The following QDPR variants were observed in gnomAD, a reference collection of about 807,000 sequenced individuals.
The protein encoded by QDPR is quinoid dihydropteridine reductase, also known as dihydropteridine reductase.
QDPR carries 23 observed loss-of-function variants against 31.7 expected under a neutral mutation model. The ratio of observed to expected loss-of-function variants is 0.73; its 90% CI spans 0.52 to 1.03. The LOEUF (loss-of-function observed/expected upper bound fraction) is 1.03. Among genes scored for constraint, QDPR ranks in the 50% least tolerant of loss-of-function variants. QDPR has a pLI of 0.00. For synonymous variants in QDPR, 124 were observed against 124.7 expected, an observed-to-expected ratio of 0.99 and a Z score of 0.03; for missense variants, 324 against 323.8, an observed-to-expected ratio of 1.00 and a Z score of 0.00.
At chr4:17,503,604 T>C (rs1474360653) in intron 3 of QDPR, among the ~76,000 whole-genome samples, 2 of 152,232 alleles carry the variant, frequency 1.3e-5, no homozygotes, top group African/African-American at 2.4e-5. Flanking sequence ...AGGGTGTTCA[T>C]TGAACTGTTC....
In QDPR at chr4:17,492,261, C is replaced by A; in HGVS notation, c.516G>T (p.Pro172=). The change falls in exon 5 of 7, where the codon CCG becomes CCT. Residue 172 remains proline (P), a synonymous_variant. Transcript: ENST00000281243. ...QSLAGKNSGM[P]PGAAAIAVLP... ...GCACAGCGATGGCGGCTGCCCCGGG[C>A]GGCATGCCGCTGTTCTTCCCAGCCA... is the stretch of plus-strand genomic sequence containing the variant. The A allele has an allele frequency of 6.2e-7, 1 of 1,613,934 alleles. No individual in the cohort carries two copies. The highest frequency in any genetic ancestry group is 8.5e-7 in the Non-Finnish European group (1 of 1,179,964).
chr4:17,504,307 G>C, intron 3 of QDPR, 72 bp downstream of exon 3: 1 of 1,385,058 alleles, frequency 7.2e-7, no homozygotes, highest in Non-Finnish European at 1.0e-6. Context: ...CTGTCACCTA[G>C]TGCAAACCCA....
At position 17,496,414 on chromosome 4, in the gene QDPR, AGCC is replaced by A. The variant is rs748375514; in HGVS notation, c.437-4077_437-4075del. ...AGCCAAGATTGCGCCATTGCACTCC[AGCC>A]TGGGCAATAAGGGCAAAACTGTCTC... On this transcript the variant is annotated intron_variant, in intron 4 of 6. Coordinates refer to ENST00000281243, the MANE Select transcript of QDPR (RefSeq NM_000320.3). 2.4e-3 allele frequency among the ~76,000 whole-genome samples: 308 copies of A among 129,100 alleles called. 6 individuals carry two copies. The highest frequency in any genetic ancestry group is 2.7e-3 in the Non-Finnish European group (171 of 63,568). The allele number at this position is 129,100 out of a possible 152,430, so 84.7% of individuals were successfully genotyped here.
Position 17,511,987 on chromosome 4 carries a change from C to G in QDPR, c.68G>C (p.Gly23Ala), listed in dbSNP as rs104893863. 1 of 1,610,734 alleles carries G rather than the reference C, an allele frequency of 6.2e-7. No homozygotes were observed. The highest frequency in any genetic ancestry group is 1.7e-5 in the Admixed American group (1 of 59,940). The change falls in exon 1 of 7, where the codon GGT becomes GCT. Residue 23 changes from glycine (G) to alanine (A), a missense_variant. Gly to Ala is a moderately conservative substitution (Grantham distance 60). Transcript: ENST00000281243. Reference protein sequence around the residue: ...VLVYGGRGALGSRCVQAFRAR... With the variant: ...VLVYGGRGALASRCVQAFRAR... ...CCGAAAAGCCTGCACGCATCGAGAACCCAGAGCGCCCCTGCCGCCGTACAC... is the reference window on the plus strand; with the variant it reads ...CCGAAAAGCCTGCACGCATCGAGAAGCCAGAGCGCCCCTGCCGCCGTACAC...
At chr4:17,496,389 AG>A (rs1718351457) in intron 4 of QDPR, among the ~76,000 whole-genome samples, 1 of 135,820 alleles carries the variant, frequency 7.4e-6, no homozygotes, top group African/African-American at 2.7e-5. Flanking sequence ...CGTTGCGGTG[AG>A]CCAAGATTGC....
chr4:17,488,404 A>C (rs1405813871), intron 6 of QDPR, among the ~76,000 whole-genome samples: 1 of 152,210 alleles, frequency 6.6e-6, no homozygotes, highest in Non-Finnish European at 1.5e-5. Context: ...TTTTAATCAA[A>C]CATTTATAGA....
At chr4:17,492,122 C>A (rs1718185397) in intron 5 of QDPR, 110 bp downstream of exon 5, 2 of 788,324 alleles carry the variant, frequency 2.5e-6, no homozygotes. Flanking sequence ...GTTTCAGAAC[C>A]AGAGGTGAGA....
intron 5 of QDPR, 107 bp from the exon 6 acceptor site, chr4:17,490,852 A>G (rs1385673347): frequency 1.1e-5 from 9 of 784,418 alleles, no homozygotes; most frequent in Non-Finnish European, 1.8e-5. Context: ...GACAACCTAG[A>G]GCCTCTGGCA....
chr4:17,509,439 G>A (rs1718917460), intron 1 of QDPR, 76 bp from the exon 2 acceptor site: 1 of 1,341,804 alleles, frequency 7.5e-7, no homozygotes, highest in Non-Finnish European at 1.1e-6. Flanking sequence ...AGAAATGAGG[G>A]GAGTTGGCCA....
chr4:17,499,820 C>G (rs910180652), intron 4 of QDPR, among the ~76,000 whole-genome samples: 3 of 151,942 alleles, frequency 2.0e-5, no homozygotes, highest in Admixed American at 6.6e-5. Context: ...CTCAGGAGGC[C>G]GAGGCAAAGG....
chr4:17,492,086 A>G lies in QDPR; in HGVS notation c.545+146T>C, dbSNP rs932444744. On this transcript the variant is annotated intron_variant, in intron 5 of 6. Coordinates refer to ENST00000281243, the MANE Select transcript of QDPR (RefSeq NM_000320.3). ...AGAGCAATTCAAACAGATTAAGATA[A>G]TAAGTATCTTAAGAGACTTTGGTGT... 8 of 629,702 alleles carry G rather than the reference A, an allele frequency of 1.3e-5. No individual in the cohort carries two copies. In the East Asian group the frequency reaches 1.9e-4, roughly 15 times the overall value. 39.0% of individuals were successfully genotyped at this position (629,702 alleles called of 1,614,324 possible).
intron 4 of QDPR, among the ~76,000 whole-genome samples, chr4:17,498,639 T>C (rs1718447407): frequency 6.6e-6 from 1 of 152,246 alleles, no homozygotes; most frequent in South Asian, 2.1e-4. Flanking sequence ...ACTTCCAAAT[T>C]ACTGAATGAT....
chr4:17,502,871 G>A (rs192560343), intron 3 of QDPR, among the ~76,000 whole-genome samples: 1 of 152,312 alleles, frequency 6.6e-6, no homozygotes, highest in Admixed American at 6.5e-5. Context: ...ACATCCCACA[G>A]ATGACTGACT....
chr4:17,510,957 C>G (rs1718983371), intron 1 of QDPR, among the ~76,000 whole-genome samples: 1 of 152,182 alleles, frequency 6.6e-6, no homozygotes, highest in Non-Finnish European at 1.5e-5. Context: ...ACAAGAAAAC[C>G]TTGGTAAATG....
intron 5 of QDPR, among the ~76,000 whole-genome samples, chr4:17,491,522 C>G (rs1718164338): frequency 6.6e-6 from 1 of 152,222 alleles, no homozygotes. Context: ...AGAAACACCT[C>G]CAACAGTTTC....
At chr4:17,489,690 G>C (rs1347082612) in intron 6 of QDPR, among the ~76,000 whole-genome samples, 7 of 152,274 alleles carry the variant, frequency 4.6e-5, no homozygotes, top group Middle Eastern at 3.4e-3. Flanking sequence ...CATTAAATAA[G>C]AGTTATGAAG....
chr4:17,509,971 C>G, intron 1 of QDPR: 1 of 456,120 alleles, frequency 2.2e-6, no homozygotes, highest in Non-Finnish European at 4.4e-6. Flanking sequence ...TGTTGTTACT[C>G]AAATCTGCAA....
chr4:17,507,520 C>T (rs1202694896), intron 2 of QDPR, among the ~76,000 whole-genome samples: 5 of 152,124 alleles, frequency 3.3e-5, no homozygotes, highest in African/African-American at 1.2e-4. Flanking sequence ...GAGAACCTGA[C>T]TCAAAAGTCA....
rs1231517697 is a variant in QDPR at position 17,496,854 on chromosome 4, T to G, written c.437-4514A>C. 3.9e-5 allele frequency among the ~76,000 whole-genome samples: 6 copies of G among 152,122 alleles called. No individual in the cohort carries two copies. In the South Asian group the frequency reaches 1.0e-3, roughly 26 times the overall value. The stretch of plus-strand genomic sequence containing the variant: ...TCACTGCAACCACCGCCTCCCAGGT[T>G]CAAGCGATTCTCCTGCCTCAGCCTC... On this transcript the variant is annotated intron_variant, in intron 4 of 6. Coordinates refer to ENST00000281243, the MANE Select transcript of QDPR (RefSeq NM_000320.3).
Sources: gnomAD v4.1 joint callset for allele counts (sites outside exome capture counted in the v4.1 genomes callset) on GRCh38, gnomAD v4.1.1 for gene constraint, MANE v1.5 for transcripts, NCBI Gene and HGNC (gene_info 2026-07-23, HGNC 2026-07-21) for gene names.